The following EXOC4 variants were observed in gnomAD, a reference collection of about 807,000 sequenced individuals.
EXOC4 encodes exocyst complex component 4.
A neutral mutation model predicts 107.2 loss-of-function variants in EXOC4; 71 were observed. The observed-to-expected ratio is 0.66, with a 90% CI of 0.55 to 0.81. The LOEUF (loss-of-function observed/expected upper bound fraction) is 0.81. Ranked by LOEUF, EXOC4 falls within the 30% of genes least tolerant of loss-of-function variation. The probability of loss-of-function intolerance (pLI) is 0.00; values close to 1 mark genes in which losing one functional copy is unlikely to be tolerated. For synonymous variants in EXOC4, 456 were observed against 441.2 expected, an observed-to-expected ratio of 1.03 and a Z score of -0.42; for missense variants, 1,108 against 1,189.6, an observed-to-expected ratio of 0.93 and a Z score of 1.01.
intron 10 of EXOC4, among the ~76,000 whole-genome samples, chr7:133,794,022 C>G (rs150588588): frequency 8.9e-4 from 136 of 152,178 alleles, no homozygotes; most frequent in Admixed American, 6.1e-3. Flanking sequence ...GTCCCCCTTA[C>G]ATTTGCTAGG....
chr7:133,697,336 A>G (rs1040441402), intron 10 of EXOC4, among the ~76,000 whole-genome samples: 1 of 152,188 alleles, frequency 6.6e-6, no homozygotes, highest in Non-Finnish European at 1.5e-5. Context: ...AGTTTAAGGA[A>G]TGGGAAGGCA....
intron 7 of EXOC4, among the ~76,000 whole-genome samples, chr7:133,452,970 C>T (rs1182235058): frequency 6.7e-6 from 1 of 148,978 alleles, no homozygotes; most frequent in South Asian, 2.2e-4. Flanking sequence ...TGTAAAGTCT[C>T]CTTTTGTCCT....
intron 7 of EXOC4, among the ~76,000 whole-genome samples, chr7:133,399,790 A>T (rs777233079): frequency 2.2e-4 from 34 of 152,234 alleles, no homozygotes; most frequent in Non-Finnish European, 4.0e-4. Flanking sequence ...TAAGAGAAAC[A>T]AAGAAGAGGG....
chr7:133,783,686 T>G (rs1472289098), intron 10 of EXOC4, among the ~76,000 whole-genome samples: 2 of 152,180 alleles, frequency 1.3e-5, no homozygotes, highest in Non-Finnish European at 2.9e-5. Flanking sequence ...TGTAGATGAT[T>G]TGGAAAGGAA....
At chr7:133,765,994 G>A (rs566883209) in intron 10 of EXOC4, among the ~76,000 whole-genome samples, 119 of 152,058 alleles carry the variant, frequency 7.8e-4, no homozygotes, top group African/African-American at 2.8e-3. Flanking sequence ...ACGAAAGTGA[G>A]GATGATATCT....
At chr7:133,955,736 C>T (rs932465809) in intron 14 of EXOC4, among the ~76,000 whole-genome samples, 1 of 152,222 alleles carries the variant, frequency 6.6e-6, no homozygotes, top group African/African-American at 2.4e-5. Context: ...ATGCTGCCCT[C>T]AGCACCCCAT....
intron 15 of EXOC4, among the ~76,000 whole-genome samples, chr7:133,998,185 C>A (rs915199979): frequency 1.3e-5 from 2 of 152,126 alleles, no homozygotes; most frequent in African/African-American, 4.8e-5. Flanking sequence ...TCCAAAACAG[C>A]ATTTCAATAG....
At chr7:133,625,281 T>C (rs1251954847) in intron 9 of EXOC4, among the ~76,000 whole-genome samples, 1 of 152,244 alleles carries the variant, frequency 6.6e-6, no homozygotes, top group Admixed American at 6.5e-5. Flanking sequence ...CTGAATGCCC[T>C]TATCTACGTT....
chr7:134,087,962 G>A, the EXOC4 span, among the ~76,000 whole-genome samples: 74 of 152,216 alleles, frequency 4.9e-4, no homozygotes, highest in Non-Finnish European at 8.1e-4. Context: ...TCCATAGAAG[G>A]AATCTTAGAC....
intron 9 of EXOC4, among the ~76,000 whole-genome samples, chr7:133,552,012 A>G (rs1260335622): frequency 6.6e-6 from 1 of 152,122 alleles, no homozygotes; most frequent in Non-Finnish European, 1.5e-5. Context: ...CATTTTGGAC[A>G]TTTTTAAAAG....
chr7:133,331,622 C>T (rs574096656), intron 5 of EXOC4, among the ~76,000 whole-genome samples: 18 of 152,098 alleles, frequency 1.2e-4, no homozygotes, highest in Non-Finnish European at 2.1e-4. Context: ...CCCGCCACCT[C>T]GCCCGGCTAA....
intron 9 of EXOC4, chr7:133,601,808 C>T (rs1364366): frequency 1 from 151,751 of 152,414 alleles, 75,550 homozygotes; most frequent in Middle Eastern, 1. Flanking sequence ...GGATGTTGCC[C>T]AAAAATAGAG....
At chr7:133,262,984 A>T (rs1037330797) in intron 1 of EXOC4, among the ~76,000 whole-genome samples, 1 of 152,122 alleles carries the variant, frequency 6.6e-6, no homozygotes, top group Non-Finnish European at 1.5e-5. Context: ...ATAGTGAATA[A>T]GTCTCATGAG....
At chr7:133,853,157 G>T (rs73437323) in intron 11 of EXOC4, among the ~76,000 whole-genome samples, 1 of 152,044 alleles carries the variant, frequency 6.6e-6, no homozygotes, top group Non-Finnish European at 1.5e-5. Flanking sequence ...AGCTTCTTTG[G>T]AACAATGCCA....
intron 11 of EXOC4, among the ~76,000 whole-genome samples, chr7:133,855,144 A>AATATATATATATAT (rs1235510935): frequency 1.0e-5 from 1 of 96,502 alleles, no homozygotes; most frequent in South Asian, 3.6e-4. Context: ...TATATATATA[A>AATATATATATATAT]ATATATATAT....
intron 3 of EXOC4, among the ~76,000 whole-genome samples, chr7:133,297,519 C>T (rs1794545557): frequency 3.9e-5 from 6 of 152,188 alleles, no homozygotes; most frequent in Admixed American, 3.9e-4. Flanking sequence ...CAACAACTTA[C>T]CAGTTCCTTG....
intron 11 of EXOC4, among the ~76,000 whole-genome samples, chr7:133,833,616 G>C (rs528910243): frequency 1.3e-5 from 2 of 152,318 alleles, no homozygotes; most frequent in South Asian, 4.2e-4. Context: ...AGGCTGGAGA[G>C]CAGTAGTACA....
At chr7:133,420,616 G>A (rs1255749651) in intron 7 of EXOC4, among the ~76,000 whole-genome samples, 2 of 152,126 alleles carry the variant, frequency 1.3e-5, no homozygotes, top group South Asian at 2.1e-4. Context: ...AGCGTGGACA[G>A]TAGGAGGTGA....
At chr7:133,359,376 C>T (rs7808300) in intron 6 of EXOC4, among the ~76,000 whole-genome samples, 50,630 of 151,982 alleles carry the variant, frequency 0.33, 10,238 homozygotes, top group African/African-American at 0.58. Context: ...TGCATTGACT[C>T]TTACTTAGGA....
Sources: allele counts gnomAD v4.1 joint callset (sites outside exome capture counted in the v4.1 genomes callset), GRCh38; gene constraint gnomAD v4.1.1; transcripts MANE v1.5; gene names NCBI Gene and HGNC (gene_info 2026-07-23, HGNC 2026-07-21).